TSPAN15: variants seen among roughly 807,000 people sequenced by gnomAD.
The protein encoded by TSPAN15 is tetraspanin 15.
In TSPAN15, 20 loss-of-function variants were observed where a neutral mutation model predicts 34.5. The ratio of observed to expected loss-of-function variants is 0.58; its 90% CI spans 0.41 to 0.84. TSPAN15 has a LOEUF of 0.84. TSPAN15 is among the 40% of genes least tolerant of loss of function. TSPAN15 has a pLI of 0.00. For missense variants in TSPAN15, 313 were observed against 386.1 expected, an observed-to-expected ratio of 0.81 and a Z score of 1.59; for synonymous variants, 155 against 153.9, an observed-to-expected ratio of 1.01 and a Z score of -0.05.
At chr10:69,525,379 G>C in the TSPAN15 span, among the ~76,000 whole-genome samples, 1 of 145,704 alleles carries the variant, frequency 6.9e-6, no homozygotes, top group Admixed American at 7.2e-5. Flanking sequence ...CTTAAACCAG[G>C]CTCATGCCTG....
chr10:69,490,839 A>AT lies in TSPAN15; in HGVS notation c.358-4749dup, dbSNP rs1841953032. Among the ~76,000 whole-genome samples, 5 of 152,156 alleles carry AT rather than the reference A, an allele frequency of 3.3e-5. No homozygotes were observed. In the South Asian group the frequency reaches 1.0e-3, roughly 31 times the overall value. ...TTGTATCATTTTTTACTGTTGTGTT[A>AT]TTTTTTATTGTTCCTTTTCCCAAAT... On this transcript the variant is annotated intron_variant, in intron 3 of 7. Coordinates refer to ENST00000373290, the MANE Select transcript of TSPAN15 (RefSeq NM_012339.5).
At chr10:69,542,956 T>G in the TSPAN15 span, among the ~76,000 whole-genome samples, 1 of 152,234 alleles carries the variant, frequency 6.6e-6, no homozygotes, top group Non-Finnish European at 1.5e-5. Flanking sequence ...GAGCAAGTAT[T>G]CAACCTCTCT....
intron 3 of TSPAN15, among the ~76,000 whole-genome samples, chr10:69,494,130 G>A (rs946524573): frequency 5.3e-5 from 8 of 152,158 alleles, no homozygotes; most frequent in Non-Finnish European, 7.4e-5. Context: ...GGGCAACCTC[G>A]GACTAGCCAC....
At chr10:69,502,845 T>C (rs960634827) in intron 5 of TSPAN15, among the ~76,000 whole-genome samples, 42 of 152,144 alleles carry the variant, frequency 2.8e-4, no homozygotes, top group Admixed American at 1.2e-3. Context: ...GTGAAGTCAC[T>C]CTTGTCACCT....
Position 69,480,789 on chromosome 10 carries a change from C to T in TSPAN15, c.97-2902C>T, listed in dbSNP as rs532533683. Reference sequence around the variant, plus strand: ...CTCGGCTCACTGCAACCTCTGCCTCCCTGGTTCAGGCGATGCTCCTGCCTC... The same window carrying T: ...CTCGGCTCACTGCAACCTCTGCCTCTCTGGTTCAGGCGATGCTCCTGCCTC... On this transcript the variant is annotated intron_variant, in intron 1 of 7. Transcript: ENST00000373290. Among the ~76,000 whole-genome samples, 43 of 152,282 alleles carry T rather than the reference C, an allele frequency of 2.8e-4. No individual in the cohort carries two copies. The South Asian group carries it at 8.7e-3, about 31-fold the overall frequency.
intron 1 of TSPAN15, among the ~76,000 whole-genome samples, chr10:69,462,426 C>T (rs1167503050): frequency 6.6e-6 from 1 of 152,098 alleles, no homozygotes; most frequent in African/African-American, 2.4e-5. Context: ...ACTCCGCCTC[C>T]CAGGTTTATG....
At chr10:69,489,218 G>A (rs1841919226) in intron 3 of TSPAN15, among the ~76,000 whole-genome samples, 1 of 152,204 alleles carries the variant, frequency 6.6e-6, no homozygotes, top group African/African-American at 2.4e-5. Flanking sequence ...CTGTCTGCAA[G>A]AAGAAAAATA....
At chr10:69,456,935 G>A (rs1437459426) in intron 1 of TSPAN15, among the ~76,000 whole-genome samples, 1 of 152,162 alleles carries the variant, frequency 6.6e-6, no homozygotes, top group African/African-American at 2.4e-5. Context: ...GAGCTGGCAT[G>A]TACCCCAGGT....
intron 1 of TSPAN15, among the ~76,000 whole-genome samples, chr10:69,455,625 TCCCCCCCCCG>T (rs1841085979): frequency 4.9e-4 from 41 of 82,876 alleles, no homozygotes; most frequent in African/African-American, 1.0e-3. Context: ...TCTCTCTCTC[TCCCCCCCCCG>T]TCTCTTTCTT....
At chr10:69,520,415 A>G in the TSPAN15 span, among the ~76,000 whole-genome samples, 11 of 152,326 alleles carry the variant, frequency 7.2e-5, no homozygotes, top group East Asian at 2.1e-3. Context: ...TAATCTCAGC[A>G]CTTTCAGAGG....
At chr10:69,491,322 C>A (rs191335571) in intron 3 of TSPAN15, among the ~76,000 whole-genome samples, 1 of 152,166 alleles carries the variant, frequency 6.6e-6, no homozygotes, top group Non-Finnish European at 1.5e-5. Context: ...TGGCTCCAGG[C>A]GCAAATGAAG....
At chr10:69,459,121 AAAAAC>A (rs749505941) in intron 1 of TSPAN15, among the ~76,000 whole-genome samples, 9,108 of 74,556 alleles carry the variant, frequency 0.12, 372 homozygotes, top group Non-Finnish European at 0.19. Flanking sequence ...AAAAAAAAAA[AAAAAC>A]AACAACAAAA....
the TSPAN15 span, among the ~76,000 whole-genome samples, chr10:69,530,820 C>CTATATATA: frequency 4.2e-3 from 129 of 30,760 alleles, 4 homozygotes; most frequent in Non-Finnish European, 5.8e-3. Context: ...CTCTCTCTCT[C>CTATATATA]TATATATATA....
At chr10:69,504,637 C>T in intron 6 of TSPAN15, 152 bp downstream of exon 6, 1 of 785,686 alleles carries the variant, frequency 1.3e-6, no homozygotes, top group Admixed American at 2.2e-5. Context: ...TGTGGTTTTC[C>T]ACCCCAGCAC....
intron 1 of TSPAN15, 23 bp downstream of exon 1, chr10:69,451,713 G>A (rs1188865275): frequency 2.1e-6 from 3 of 1,433,890 alleles, no homozygotes; most frequent in African/African-American, 2.9e-5. Context: ...AGTAGGGCCC[G>A]GGGATGGGGG....
At chr10:69,454,936 G>C (rs151175574) in intron 1 of TSPAN15, among the ~76,000 whole-genome samples, 1 of 152,238 alleles carries the variant, frequency 6.6e-6, no homozygotes, top group East Asian at 1.9e-4. Flanking sequence ...AGGCTGAGGC[G>C]GGCGGATCGT....
rs375919918 is a variant in TSPAN15 at position 69,506,104 on chromosome 10, C to G, written c.619-20C>G. On this transcript the variant is annotated intron_variant, in intron 6 of 7. Coordinates refer to ENST00000373290, the MANE Select transcript of TSPAN15 (RefSeq NM_012339.5). The surrounding 1 kb of genome is among the most constrained non-coding windows in gnomAD (Gnocchi z 4.7). ...CAGCCGAGGTCCTCTGCTGGGCTGA[C>G]CCAGCTCCTTCCCATGCAGCGTTTC... is the stretch of plus-strand genomic sequence containing the variant. 3 of 1,610,246 alleles carry G rather than the reference C, an allele frequency of 1.9e-6. No individual in the cohort carries two copies. Among genetic ancestry groups the G allele is most frequent in the East Asian group, 4.5e-5 (2 of 44,842 alleles).
At chr10:69,525,421 G>C in the TSPAN15 span, among the ~76,000 whole-genome samples, 3 of 141,504 alleles carry the variant, frequency 2.1e-5, no homozygotes, top group African/African-American at 7.8e-5. Context: ...ACTGAGATGA[G>C]AGATTGCTTG....
chr10:69,483,001 T>C (rs982526808), intron 1 of TSPAN15, among the ~76,000 whole-genome samples: 1 of 152,058 alleles, frequency 6.6e-6, no homozygotes, highest in Non-Finnish European at 1.5e-5. Flanking sequence ...TTGTTTTTTG[T>C]TTTTTGAGAC....
Sources: allele counts gnomAD v4.1 joint callset (sites outside exome capture counted in the v4.1 genomes callset), GRCh38; gene constraint gnomAD v4.1.1; non-coding constraint Gnocchi (gnomAD v3.1); transcripts MANE v1.5; gene names NCBI Gene and HGNC (gene_info 2026-07-23, HGNC 2026-07-21).